The following RCC1 variants were observed in gnomAD, a reference collection of about 807,000 sequenced individuals.
RCC1 encodes regulator of chromosome condensation.
In RCC1, 11 loss-of-function variants were observed where a neutral mutation model predicts 44.4. The ratio of observed to expected loss-of-function variants is 0.25; its 90% CI spans 0.16 to 0.41. The LOEUF (loss-of-function observed/expected upper bound fraction) is 0.41, where lower values mean the gene tolerates loss of function less well. RCC1 is among the 10% of genes least tolerant of loss of function. The probability of loss-of-function intolerance (pLI) is 1.00; values close to 1 mark genes in which losing one functional copy is unlikely to be tolerated. For missense variants in RCC1, 386 were observed against 547.1 expected (o/e 0.71, Z 2.94); for synonymous variants, 213 against 216.5 (o/e 0.98, Z 0.14).
intron 3 of RCC1, among the ~76,000 whole-genome samples, chr1:28,515,010 G>A (rs1307489949): frequency 1.3e-5 from 2 of 152,264 alleles, no homozygotes; most frequent in Admixed American, 1.3e-4. Flanking sequence ...AGTTGCGATG[G>A]CTCACTCCTG....
intron 1 of RCC1, chr1:28,506,603 G>T (rs1388036415): frequency 1.1e-5 from 2 of 188,170 alleles, no homozygotes. Flanking sequence ...GGGACCCGCA[G>T]GGCTGCCGCC....
chr1:28,520,096 G>A (rs549814055), intron 4 of RCC1, among the ~76,000 whole-genome samples: 3 of 152,234 alleles, frequency 2.0e-5, no homozygotes, highest in East Asian at 1.9e-4. Flanking sequence ...TGTATAGAAC[G>A]GGGATCCCAG....
At chr1:28,506,307 C>T in intron 1 of RCC1, 1 of 430,800 alleles carries the variant, frequency 2.3e-6, no homozygotes, top group South Asian at 1.6e-5. Context: ...GCCTCAGCCT[C>T]TCCAGCAGCT....
chr1:28,525,897 G>A (rs1324991037), intron 4 of RCC1, among the ~76,000 whole-genome samples: 1 of 152,190 alleles, frequency 6.6e-6, no homozygotes, highest in African/African-American at 2.4e-5. Flanking sequence ...TAGGCCCAGA[G>A]CTGAGACCGA....
chr1:28,520,373 C>T (rs901426813), intron 4 of RCC1, among the ~76,000 whole-genome samples: 2 of 152,170 alleles, frequency 1.3e-5, no homozygotes, highest in African/African-American at 2.4e-5. Context: ...GGCAGGAGCA[C>T]CAGGCTCCGG....
At position 28,508,152 on chromosome 1, in the gene RCC1, T is replaced by C. The variant is rs1434216687; in HGVS notation, c.-237T>C. On this transcript the variant is annotated 5_prime_UTR_variant, in exon 2 of 13. Coordinates refer to ENST00000683442, the MANE Select transcript of RCC1 (RefSeq NM_001381865.2). Reference sequence around the variant, plus strand: ...GGATTTGTTAAGGATTCCAAGTAACTCTTATTTGGTGAGTAAATCTGCTAA... The same window carrying C: ...GGATTTGTTAAGGATTCCAAGTAACCCTTATTTGGTGAGTAAATCTGCTAA... The C allele has an allele frequency of 2.2e-6, 1 of 445,474 alleles. No individual in the cohort carries two copies. Among genetic ancestry groups the C allele is most frequent in the Non-Finnish European group, 4.6e-6 (1 of 218,692 alleles). 27.6% of individuals were successfully genotyped at this position (445,474 alleles called of 1,614,324 possible). A position where few individuals can be genotyped will look rare whatever the true frequency, so the allele number is the denominator to read the frequency against.
chr1:28,534,236 A>G (rs1328461199), intron 7 of RCC1, among the ~76,000 whole-genome samples: 3 of 151,772 alleles, frequency 2.0e-5, no homozygotes, highest in African/African-American at 7.3e-5. Context: ...GCTGGAGTGC[A>G]GTGGCGCGAT....
At chr1:28,534,625 C>T (rs1381634519) in intron 7 of RCC1, among the ~76,000 whole-genome samples, 3 of 152,200 alleles carry the variant, frequency 2.0e-5, no homozygotes, top group Non-Finnish European at 4.4e-5. Context: ...GTACTAGAGG[C>T]TTGTGCCACC....
At position 28,536,747 on chromosome 1, in the gene RCC1, G is replaced by A. The variant is rs1268238503; in HGVS notation, c.938G>A (p.Gly313Glu). The change falls in exon 12 of 13, where the codon GGA becomes GAA. Residue 313 changes from glycine to glutamate, a missense_variant and splice_region_variant. Physicochemically the swap from Gly to Glu is moderately conservative, Grantham distance 98. Transcript: ENST00000683442. The surrounding 1 kb of genome is among the most constrained non-coding windows in gnomAD (Gnocchi z 4.9). Reference sequence around the variant, plus strand: ...CTCATCTCTCTCCCTCCTCCCATAGGAAAAGCATACAGCCTGGGCCGGGCT... The same window carrying A: ...CTCATCTCTCTCCCTCCTCCCATAGAAAAAGCATACAGCCTGGGCCGGGCT... Reference protein sequence around the residue: ...QHHTVCMDSEGKAYSLGRAEY... With the variant: ...QHHTVCMDSEEKAYSLGRAEY... 2 of 1,613,796 alleles carry A rather than the reference G, an allele frequency of 1.2e-6. No individual in the cohort carries two copies. The highest frequency in any genetic ancestry group is 1.7e-6 in the Non-Finnish European group (2 of 1,179,816).
intron 4 of RCC1, among the ~76,000 whole-genome samples, chr1:28,521,452 T>G (rs3001309): frequency 0.023 from 3,328 of 141,646 alleles, 140 homozygotes; most frequent in African/African-American, 0.083. Flanking sequence ...AGTGAGCCGA[T>G]ATCGCGCCAT....
chr1:28,534,360 T>G (rs1303291889), intron 7 of RCC1, among the ~76,000 whole-genome samples: 1 of 152,124 alleles, frequency 6.6e-6, no homozygotes, highest in Non-Finnish European at 1.5e-5. Context: ...TTTTGTATTT[T>G]TTGGTAGAGA....
chr1:28,538,100 C>CAGTG lies in RCC1; in HGVS notation c.*95_*96insTGAG. 8.8e-7 allele frequency: 1 copy of CAGTG among 1,139,286 alleles called. No homozygotes were observed. The highest frequency in any genetic ancestry group is 1.2e-6 in the Non-Finnish European group (1 of 802,300). 70.6% of individuals were successfully genotyped at this position (1,139,286 alleles called of 1,614,324 possible). A position where few individuals can be genotyped will look rare whatever the true frequency, so the allele number is the denominator to read the frequency against. ...CTGCAGATGGCAGCGGGCCTCTCCC[C>CAGTG]AGCCCTGAGCACTGTGTCAGTTCCT... On this transcript the variant is annotated 3_prime_UTR_variant, in exon 13 of 13. Coordinates refer to ENST00000683442, the MANE Select transcript of RCC1 (RefSeq NM_001381865.2).
intron 3 of RCC1, chr1:28,510,112 T>TA (rs1259501149): frequency 3.9e-5 from 6 of 152,268 alleles, no homozygotes; most frequent in South Asian, 2.1e-4. Context: ...AAGGTAAAGT[T>TA]ACCTACTGGC....
At chr1:28,509,598 G>A (rs1326545837) in intron 3 of RCC1, 1 of 152,212 alleles carries the variant, frequency 6.6e-6, no homozygotes, top group Admixed American at 6.6e-5. Flanking sequence ...AATCTGCTAT[G>A]TTAATGTATT....
chr1:28,511,707 A>G (rs1181496537), intron 3 of RCC1, among the ~76,000 whole-genome samples: 1 of 149,450 alleles, frequency 6.7e-6, no homozygotes, highest in Non-Finnish European at 1.5e-5. Flanking sequence ...TGTCTCCAGG[A>G]GGGAGTGCAA....
At chr1:28,513,652 C>G (rs761969988) in intron 3 of RCC1, among the ~76,000 whole-genome samples, 61 of 152,020 alleles carry the variant, frequency 4.0e-4, no homozygotes, top group Non-Finnish European at 6.6e-4. Context: ...GATTATGACT[C>G]ACTGCAGCCT....
chr1:28,528,284 C>T (rs1291239766), intron 4 of RCC1, among the ~76,000 whole-genome samples: 7 of 151,896 alleles, frequency 4.6e-5, no homozygotes, highest in Non-Finnish European at 1.0e-4. Flanking sequence ...GGTGAAACCT[C>T]GTCTCTACTA....
At chr1:28,511,806 G>A (rs1280855053) in intron 3 of RCC1, among the ~76,000 whole-genome samples, 13 of 151,784 alleles carry the variant, frequency 8.6e-5, no homozygotes, top group African/African-American at 2.2e-4. Flanking sequence ...GATTACAGGC[G>A]CACGCCACCA....
intron 3 of RCC1, among the ~76,000 whole-genome samples, chr1:28,514,454 A>AC (rs1216049609): frequency 6.6e-6 from 1 of 150,846 alleles, no homozygotes; most frequent in African/African-American, 2.4e-5. Context: ...CGTCTCAAAA[A>AC]AAAAACAAAA....
Sources: gnomAD v4.1 joint callset for allele counts (sites outside exome capture counted in the v4.1 genomes callset) on GRCh38, gnomAD v4.1.1 for gene constraint, Gnocchi (gnomAD v3.1) non-coding constraint, MANE v1.5 for transcripts, NCBI Gene and HGNC (gene_info 2026-07-23, HGNC 2026-07-21) for gene names.